Variants in HEPHL1 observed in about 807,000 individuals in gnomAD.
The protein encoded by HEPHL1 is ferroxidase HEPHL1.
HEPHL1 carries 123 observed loss-of-function variants against 122.0 expected under a neutral mutation model. The ratio of observed to expected loss-of-function variants is 1.01; its 90% CI spans 0.87 to 1.17. The LOEUF (loss-of-function observed/expected upper bound fraction) is 1.17. Ranked by LOEUF, HEPHL1 falls within the 50% of genes most tolerant of loss-of-function variation. HEPHL1 has a pLI of 0.00. For missense variants in HEPHL1, 1,452 were observed against 1,430.5 expected (o/e 1.01, Z -0.24); for synonymous variants, 527 against 508.9 (o/e 1.04, Z -0.48).
At chr11:94,022,617 C>T (rs1266244702) in intron 1 of HEPHL1, among the ~76,000 whole-genome samples, 6 of 152,234 alleles carry the variant, frequency 3.9e-5, no homozygotes, top group Non-Finnish European at 8.8e-5. Flanking sequence ...AAAGATGAAG[C>T]CTGTGCCAGA....
intron 1 of HEPHL1, among the ~76,000 whole-genome samples, chr11:94,037,107 C>T (rs1362173797): frequency 3.7e-4 from 57 of 152,234 alleles, no homozygotes; most frequent in South Asian, 2.1e-3. Context: ...AAAGGGGTGA[C>T]GGACGCACCT....
rs149359548 is a variant in HEPHL1 at position 94,030,606 on chromosome 11, A to G, written c.170+9068A>G. On this transcript the variant is annotated intron_variant, in intron 1 of 19. Transcript: ENST00000315765. ...GAAGAGGAGAAAAATGGTGTCTTCC[A>G]GCTACACCTGGAGAAGTATCATTGA... is the stretch of plus-strand genomic sequence containing the variant. Among the ~76,000 whole-genome samples, 947 of 152,312 alleles carry G rather than the reference A, an allele frequency of 6.2e-3. 6 individuals are homozygous for G. Among genetic ancestry groups the G allele is most frequent in the South Asian group, 0.012 (56 of 4,830 alleles).
At chr11:94,053,702 T>C (rs184669673) in intron 2 of HEPHL1, among the ~76,000 whole-genome samples, 14 of 152,344 alleles carry the variant, frequency 9.2e-5, no homozygotes, top group Admixed American at 6.5e-4. Context: ...TTGTGATTTC[T>C]TCTTTGACCT....
chr11:94,045,702 C>A lies in HEPHL1; in HGVS notation c.200C>A (p.Pro67His), dbSNP rs765533033. 7 of 1,611,022 alleles carry A rather than the reference C, an allele frequency of 4.3e-6. No homozygotes were observed. In the South Asian group the frequency reaches 7.7e-5, roughly 18 times the overall value. ...KLATLFLERG[P>H]NRIGSIYKKA... ...GCAACCTTATTTCTCGAAAGAGGGC[C>A]CAACAGGATAGGCAGTATTTACAAA... Residue 67 changes from proline to histidine, a missense_variant, in exon 2 of 20, where the codon CCC (proline) becomes CAC (histidine). Coordinates refer to ENST00000315765, the MANE Select transcript of HEPHL1 (RefSeq NM_001098672.2).
chr11:94,076,604 T>C (rs950913163), intron 9 of HEPHL1, among the ~76,000 whole-genome samples: 1 of 138,756 alleles, frequency 7.2e-6, no homozygotes, highest in African/African-American at 2.6e-5. Context: ...TTACACAAAA[T>C]TCATGAAAAA....
intron 2 of HEPHL1, among the ~76,000 whole-genome samples, chr11:94,048,228 A>G (rs1317021214): frequency 1.3e-5 from 2 of 152,148 alleles, no homozygotes; most frequent in Non-Finnish European, 2.9e-5. Context: ...TTATCCGTTC[A>G]TCTGTTGATG....
At chr11:94,104,840 G>C in intron 16 of HEPHL1, 90 bp downstream of exon 16, 1 of 996,648 alleles carries the variant, frequency 1.0e-6, no homozygotes, top group South Asian at 1.6e-5. Context: ...CCTTCTCTGA[G>C]CCTTTCCTCC....
At chr11:94,039,358 G>T (rs962599766) in intron 1 of HEPHL1, among the ~76,000 whole-genome samples, 47 of 152,104 alleles carry the variant, frequency 3.1e-4, no homozygotes, top group Non-Finnish European at 4.3e-4. Context: ...ACTCAGCTCT[G>T]CACCAAGCAG....
intron 17 of HEPHL1, among the ~76,000 whole-genome samples, chr11:94,109,623 ATCTGTT>A (rs1208388725): frequency 6.6e-5 from 10 of 152,202 alleles, no homozygotes; most frequent in Non-Finnish European, 1.2e-4. Flanking sequence ...TTCTTCTTTA[ATCTGTT>A]GCTGAATTAC....
chr11:94,096,595 A>G (rs1946316467), intron 13 of HEPHL1, among the ~76,000 whole-genome samples: 1 of 152,212 alleles, frequency 6.6e-6, no homozygotes, highest in Non-Finnish European at 1.5e-5. Context: ...AAGGAATGGT[A>G]CCAGCTCCTC....
Position 94,067,732 on chromosome 11 carries a change from G to A in HEPHL1, c.1045G>A (p.Val349Ile), listed in dbSNP as rs1457633128. 2 of 1,613,362 alleles carry A rather than the reference G, an allele frequency of 1.2e-6. No individual in the cohort carries two copies. Among genetic ancestry groups the A allele is most frequent in the Admixed American group, 1.7e-5 (1 of 59,958 alleles). Residue 349 changes from valine (V) to isoleucine (I), a missense_variant, in exon 5 of 20, where the codon GTC becomes ATC. Physicochemically the swap from Val to Ile is conservative, Grantham distance 29 (BLOSUM62 3). Transcript: ENST00000315765. ...NPGKWMITCQ[V>I]SDHLQAGMLG... Reference sequence around the variant, plus strand: ...TGGGAAGTGGATGATAACCTGCCAGGTCAGCGACCACCTACAAGGTAAAAA... The same window carrying A: ...TGGGAAGTGGATGATAACCTGCCAGATCAGCGACCACCTACAAGGTAAAAA...
At chr11:94,107,775 TTATC>T (rs1946420041) in intron 17 of HEPHL1, among the ~76,000 whole-genome samples, 1 of 152,338 alleles carries the variant, frequency 6.6e-6, no homozygotes, top group African/African-American at 2.4e-5. Context: ...TGCAGTTTGT[TTATC>T]TATTCTCCTG....
rs1946203604 is a variant in HEPHL1 at position 94,084,864 on chromosome 11, C to T, written c.1868-1113C>T. On this transcript the variant is annotated intron_variant, in intron 10 of 19. Transcript: ENST00000315765. ...CTACCAATAATCCCAGATCTGAGTA[C>T]AATTACCAAGCACCACTGGTTTTGC... is the stretch of plus-strand genomic sequence containing the variant. Among the ~76,000 whole-genome samples, 3 of 152,128 alleles carry T rather than the reference C, an allele frequency of 2.0e-5. No individual in the cohort carries two copies. The South Asian group carries it at 6.2e-4, about 32-fold the overall frequency.
intron 12 of HEPHL1, among the ~76,000 whole-genome samples, chr11:94,089,813 C>T (rs1322015505): frequency 6.6e-6 from 1 of 152,132 alleles, no homozygotes; most frequent in East Asian, 1.9e-4. Flanking sequence ...TAGACATTGG[C>T]AGAGTTAGAA....
intron 2 of HEPHL1, among the ~76,000 whole-genome samples, chr11:94,058,219 G>C (rs1945956090): frequency 6.6e-6 from 1 of 152,114 alleles, no homozygotes. Context: ...CTGATGTTCA[G>C]CAGTTTCAAG....
intron 13 of HEPHL1, among the ~76,000 whole-genome samples, chr11:94,099,406 G>A (rs868401938): frequency 6.6e-6 from 1 of 152,166 alleles, no homozygotes; most frequent in African/African-American, 2.4e-5. Flanking sequence ...GGCCGTGTGA[G>A]GTGTCAGTCT....
rs762818935 is a variant in HEPHL1 at position 94,042,891 on chromosome 11, A to AAAAAAAAAAAAAAAAAAAAC, written c.171-2780_171-2779insAAAAAAAAAAAAAAAAACAA. ...AAAGTATAATAAAAAAAAAAAAAAA[A>AAAAAAAAAAAAAAAAAAAAC]AACTGCATGAATTGCTCATTCTGGC... On this transcript the variant is annotated intron_variant, in intron 1 of 19. Transcript: ENST00000315765. 2.0e-5 allele frequency among the ~76,000 whole-genome samples: 3 copies of AAAAAAAAAAAAAAAAAAAAC among 148,958 alleles called. No individual in the cohort carries two copies. In the East Asian group the frequency reaches 6.5e-4, roughly 32 times the overall value.
intron 2 of HEPHL1, among the ~76,000 whole-genome samples, chr11:94,061,620 C>T (rs1237136453): frequency 6.6e-6 from 1 of 152,072 alleles, no homozygotes; most frequent in Admixed American, 6.6e-5. Flanking sequence ...GTTCCTCTAT[C>T]ACGTTAGATA....
intron 12 of HEPHL1, 96 bp downstream of exon 12, chr11:94,089,064 T>C (rs1946243107): frequency 1.8e-6 from 2 of 1,107,332 alleles, no homozygotes; most frequent in Non-Finnish European, 2.7e-6. Context: ...CCAGGTTGTG[T>C]CTCCACAGTT....
Sources: allele counts gnomAD v4.1 joint callset (sites outside exome capture counted in the v4.1 genomes callset), GRCh38; gene constraint gnomAD v4.1.1; transcripts MANE v1.5; gene names NCBI Gene and HGNC (gene_info 2026-07-23, HGNC 2026-07-21).